ARHGEF3: variants seen among roughly 807,000 people sequenced by gnomAD.
ARHGEF3 encodes the protein Rho guanine nucleotide exchange factor 3, also known as 59.8 kDA protein.
A neutral mutation model predicts 63.2 loss-of-function variants in ARHGEF3; 28 were observed. The ratio of observed to expected loss-of-function variants is 0.44; its 90% CI spans 0.33 to 0.61. ARHGEF3 has a LOEUF of 0.61. Among genes scored for constraint, ARHGEF3 ranks in the 20% least tolerant of loss-of-function variants. The pLI is 0.03. For synonymous variants in ARHGEF3, 266 were observed against 254.2 expected, an observed-to-expected ratio of 1.05 and a Z score of -0.44; for missense variants, 533 against 659.3, an observed-to-expected ratio of 0.81 and a Z score of 2.10.
intron 7 of ARHGEF3, among the ~76,000 whole-genome samples, chr3:56,741,493 GTTCTTT>G (rs1218243675): frequency 3.3e-5 from 3 of 92,036 alleles, no homozygotes; most frequent in African/African-American, 1.3e-4. Flanking sequence ...CTCTACATTG[GTTCTTT>G]TTTTTTTTTT....
rs2041054373 is a variant in ARHGEF3 at position 56,889,843 on chromosome 3, C to T, written c.130-7489G>A. Among the ~76,000 whole-genome samples the T allele has an allele frequency of 2.0e-5, 3 of 152,178 alleles. No homozygotes were observed. In the South Asian group the frequency reaches 6.2e-4, roughly 31 times the overall value. ...TTGGGAGGCCGAGATGGGCGGATCA[C>T]CTGAGGTCAGGAGTTTGAGACCAGC... On this transcript the variant is annotated intron_variant, in intron 3 of 12. Coordinates refer to the ARHGEF3 transcript ENST00000338458.
chr3:56,988,700 C>G (rs1242806841), intron 2 of ARHGEF3, among the ~76,000 whole-genome samples: 1 of 152,042 alleles, frequency 6.6e-6, no homozygotes, highest in Non-Finnish European at 1.5e-5. Flanking sequence ...ATTTTTGTAC[C>G]AAAGGGAGGC....
At chr3:56,966,562 C>G (rs1042578781) in intron 2 of ARHGEF3, among the ~76,000 whole-genome samples, 1 of 152,086 alleles carries the variant, frequency 6.6e-6, no homozygotes. Flanking sequence ...CAAGGCTGGA[C>G]AGGGAAGCAG....
intron 1 of ARHGEF3, among the ~76,000 whole-genome samples, chr3:57,071,333 T>C (rs1705889374): frequency 1.3e-5 from 2 of 152,202 alleles, no homozygotes; most frequent in South Asian, 2.1e-4. Flanking sequence ...AAGTTCTAAA[T>C]CTAAGAGCTA....
chr3:57,021,418 T>C (rs1457757856), intron 2 of ARHGEF3, among the ~76,000 whole-genome samples: 5 of 152,058 alleles, frequency 3.3e-5, no homozygotes, highest in Admixed American at 2.0e-4. Flanking sequence ...CCCACTGAAG[T>C]GGGTACAAAG....
At chr3:56,785,084 C>T (rs1190463885) in intron 1 of ARHGEF3, among the ~76,000 whole-genome samples, 3 of 152,146 alleles carry the variant, frequency 2.0e-5, no homozygotes, top group African/African-American at 7.2e-5. Flanking sequence ...CCCTGCAGCA[C>T]TGGATTTTGC....
chr3:56,992,136 A>ATG (rs1701775263), intron 2 of ARHGEF3, among the ~76,000 whole-genome samples: 1 of 149,384 alleles, frequency 6.7e-6, no homozygotes, highest in Non-Finnish European at 1.5e-5. Flanking sequence ...AATGAGTTAA[A>ATG]TGTGTGTGTG....
chr3:57,068,387 T>G (rs955395954), intron 1 of ARHGEF3, among the ~76,000 whole-genome samples: 1 of 152,232 alleles, frequency 6.6e-6, no homozygotes, highest in African/African-American at 2.4e-5. Context: ...CTAACACATT[T>G]ATCAATGCTG....
intron 4 of ARHGEF3, among the ~76,000 whole-genome samples, chr3:56,839,907 G>T (rs893640488): frequency 6.6e-6 from 1 of 152,082 alleles, no homozygotes; most frequent in Admixed American, 6.6e-5. Flanking sequence ...GTACAATCCC[G>T]AAGGCTCCTG....
rs137881736 is a variant in ARHGEF3, at chr3:56,876,848, C to T, written c.192+5444G>A. Among the ~76,000 whole-genome samples the T allele has an allele frequency of 2.8e-3, 422 of 152,262 alleles. 2 individuals are homozygous for T. Among genetic ancestry groups the T allele is most frequent in the Non-Finnish European group, 5.3e-3 (359 of 68,024 alleles). On this transcript the variant is annotated intron_variant, in intron 4 of 12. Transcript: ENST00000338458. ...CACCAGTCAAGAGAGGCGTGTGGGC[C>T]CTGTCAGGGGCTTTCCTAAAGGGTG... is the stretch of plus-strand genomic sequence containing the variant.
At chr3:56,888,434 C>T (rs754272803) in intron 3 of ARHGEF3, among the ~76,000 whole-genome samples, 1 of 152,166 alleles carries the variant, frequency 6.6e-6, no homozygotes, top group Admixed American at 6.5e-5. Context: ...CCCTTTGTCT[C>T]AATGCCACGT....
chr3:56,793,031 T>C (rs2037166696), intron 1 of ARHGEF3, among the ~76,000 whole-genome samples: 1 of 151,746 alleles, frequency 6.6e-6, no homozygotes, highest in African/African-American at 2.4e-5. Context: ...TGAGACAGAG[T>C]TGCACTCTGT....
chr3:56,752,966 G>C (rs969438706), intron 4 of ARHGEF3, among the ~76,000 whole-genome samples: 5 of 152,182 alleles, frequency 3.3e-5, no homozygotes, highest in Non-Finnish European at 7.4e-5. Context: ...CATGGAGTTG[G>C]GGGGCTGTGC....
chr3:57,038,283 C>T (rs943392038), intron 1 of ARHGEF3, among the ~76,000 whole-genome samples: 2 of 152,148 alleles, frequency 1.3e-5, no homozygotes, highest in African/African-American at 2.4e-5. Flanking sequence ...TTTCAGGAAT[C>T]GGGTAAGGAA....
At chr3:56,932,831 T>C (rs780798363) in intron 3 of ARHGEF3, among the ~76,000 whole-genome samples, 4 of 152,164 alleles carry the variant, frequency 2.6e-5, no homozygotes, top group Non-Finnish European at 5.9e-5. Context: ...TTCTGAAGCT[T>C]TAAAAAATTT....
intron 2 of ARHGEF3, among the ~76,000 whole-genome samples, chr3:56,771,072 C>T (rs939081434): frequency 1.9e-4 from 29 of 150,782 alleles, no homozygotes; most frequent in African/African-American, 6.8e-4. Context: ...GAGATCGCGC[C>T]ACTGCACTCC....
chr3:56,896,402 C>T (rs1017502048), intron 3 of ARHGEF3, among the ~76,000 whole-genome samples: 3 of 152,210 alleles, frequency 2.0e-5, no homozygotes, highest in South Asian at 4.1e-4. Flanking sequence ...AGAACAAGGG[C>T]ATCCTCTTAC....
intron 1 of ARHGEF3, among the ~76,000 whole-genome samples, chr3:57,068,921 T>C (rs199587996): frequency 0.027 from 3,915 of 144,534 alleles, 164 homozygotes; most frequent in African/African-American, 0.098. Flanking sequence ...AAGATCTGAT[T>C]TTTTTTTTTT....
At chr3:56,997,962 GGC>G (rs1342877443) in intron 2 of ARHGEF3, among the ~76,000 whole-genome samples, 1 of 152,124 alleles carries the variant, frequency 6.6e-6, no homozygotes, top group African/African-American at 2.4e-5. Context: ...AAGCTCTTCT[GGC>G]CTCTGTTTCC....
Sources: allele counts gnomAD v4.1 joint callset (sites outside exome capture counted in the v4.1 genomes callset), GRCh38; gene constraint gnomAD v4.1.1; transcripts MANE v1.5; gene names NCBI Gene and HGNC (gene_info 2026-07-23, HGNC 2026-07-21).